The following ZP2 variants were observed in gnomAD, a reference collection of about 807,000 sequenced individuals.
ZP2 encodes zona pellucida glycoprotein 2.
A neutral mutation model predicts 84.0 loss-of-function variants in ZP2; 51 were observed. That is an observed-to-expected ratio of 0.61 (90% CI 0.49 to 0.77). ZP2 has a LOEUF of 0.77. ZP2 is among the 30% of genes least tolerant of loss of function. The probability of loss-of-function intolerance (pLI) is 0.00; values close to 1 mark genes in which losing one functional copy is unlikely to be tolerated. For missense variants in ZP2, 909 were observed against 911.9 expected, an observed-to-expected ratio of 1.00 and a Z score of 0.04; for synonymous variants, 375 against 330.9, an observed-to-expected ratio of 1.13 and a Z score of -1.45.
intron 2 of ZP2, among the ~76,000 whole-genome samples, chr16:21,210,876 CA>C (rs1406262482): frequency 7.4e-6 from 1 of 134,984 alleles, no homozygotes; most frequent in Admixed American, 7.4e-5. Context: ...CGCCTGGCTG[CA>C]TTTTTTTTTT....
At chr16:21,203,710 G>C (rs774821712) in intron 9 of ZP2, 1 of 424,162 alleles carries the variant, frequency 2.4e-6, no homozygotes, top group Non-Finnish European at 4.3e-6. Context: ...TGTCCTGTTC[G>C]TTGACCAGGA....
chr16:21,202,170 A>C lies in ZP2; in HGVS notation c.1221T>G (p.Phe407Leu), dbSNP rs2093229183. The part of the protein sequence containing the change: ...RVGNSSCQPV[F>L]EAQSQGLVRF... Reference sequence around the variant, plus strand: ...GTACCAGCCCCTGAGACTGAGCCTCAAAGACAGGCTGGCAGGATGAGTTTC... The same window carrying C: ...GTACCAGCCCCTGAGACTGAGCCTCCAAGACAGGCTGGCAGGATGAGTTTC... The change falls in exon 11 of 19, where the codon TTT (phenylalanine) becomes TTG (leucine). Residue 407 changes from phenylalanine to leucine, a missense_variant. Coordinates refer to ENST00000574091, the MANE Select transcript of ZP2 (RefSeq NM_001376232.1). The C allele has an allele frequency of 6.2e-7, 1 of 1,602,324 alleles. No homozygotes were observed. Among genetic ancestry groups the C allele is most frequent in the African/African-American group, 1.4e-5 (1 of 73,980 alleles).
chr16:21,204,010 T>G lies in ZP2; in HGVS notation c.972+20A>C, dbSNP rs752726291. 3.7e-6 allele frequency: 6 copies of G among 1,609,868 alleles called. No individual in the cohort carries two copies. The South Asian group carries it at 6.6e-5, about 18-fold the overall frequency. On this transcript the variant is annotated intron_variant, in intron 9 of 18. Transcript: ENST00000574091. ...CAAGTCAGGACCCGGTGGAGTTCAG[T>G]GGTTGACAATTGAACATACTTTCGT...
chr16:21,205,695 G>A (rs2093246552), intron 6 of ZP2, 36 bp downstream of exon 6: 1 of 1,613,752 alleles, frequency 6.2e-7, no homozygotes, highest in Non-Finnish European at 8.5e-7. Flanking sequence ...AGAATTAAAG[G>A]TTATTAAGGT....
At chr16:21,211,614 C>T (rs1412247748), upstream of ZP2, 44 of 1,611,856 alleles carry the variant, frequency 2.7e-5, no homozygotes, top group Non-Finnish European at 3.6e-5. Flanking sequence ...AGCAGGAAGC[C>T]AGCCGCATCC....
At chr16:21,211,192 T>TA in intron 2 of ZP2, 115 bp downstream of exon 2, 1 of 864,366 alleles carries the variant, frequency 1.2e-6, no homozygotes, top group South Asian at 1.5e-5. Context: ...ACCAAGGTAA[T>TA]AAAGGGGGTG....
chr16:21,203,985 C>T, intron 9 of ZP2, 45 bp downstream of exon 9: 2 of 1,603,150 alleles, frequency 1.2e-6, no homozygotes, highest in South Asian at 1.1e-5. Context: ...GAGTATACTT[C>T]AAGTCAGGAC....
chr16:21,205,201 C>T (rs948570745), intron 7 of ZP2, among the ~76,000 whole-genome samples: 1 of 152,108 alleles, frequency 6.6e-6, no homozygotes. Flanking sequence ...CAGGGTTGGC[C>T]GGGCTGGTCT....
chr16:21,209,855 A>G (rs918901494), intron 3 of ZP2, 130 bp from the exon 4 acceptor site: 1 of 820,224 alleles, frequency 1.2e-6, no homozygotes, highest in South Asian at 1.6e-5. Context: ...CAACTCAGTG[A>G]TAGAACTTGA....
At position 21,205,525 on chromosome 16, in the gene ZP2, A is replaced by G; in HGVS notation, c.588T>C (p.Thr196=). The G allele has an allele frequency of 1.9e-6, 3 of 1,614,006 alleles. No individual in the cohort carries two copies. Among genetic ancestry groups the G allele is most frequent in the Non-Finnish European group, 2.5e-6 (3 of 1,179,994 alleles). Residue 196 remains threonine, a synonymous_variant, in exon 7 of 19, where the codon ACT becomes ACC. Transcript: ENST00000574091. ...IEVGDGARAK[T]LTLPEAMKEG... is the part of the protein sequence containing the mutation. ...CCTTCATGGCCTCTGGCAGGGTCAGAGTTTTGGCTCTTGCACCATCACCAA... is the reference window on the plus strand; with the variant it reads ...CCTTCATGGCCTCTGGCAGGGTCAGGGTTTTGGCTCTTGCACCATCACCAA...
intron 4 of ZP2, among the ~76,000 whole-genome samples, chr16:21,208,040 T>C (rs1457611235): frequency 6.6e-6 from 1 of 151,978 alleles, no homozygotes; most frequent in East Asian, 1.9e-4. Flanking sequence ...GACAACATGG[T>C]GAAATCCCCA....
At chr16:21,207,578 G>A (rs2093255608) in intron 4 of ZP2, among the ~76,000 whole-genome samples, 1 of 151,750 alleles carries the variant, frequency 6.6e-6, no homozygotes. Flanking sequence ...TTGAGCTCAG[G>A]AGTTCAAGAC....
intron 2 of ZP2, 77 bp from the exon 3 acceptor site, chr16:21,210,269 C>A: frequency 8.7e-7 from 1 of 1,148,276 alleles, no homozygotes; most frequent in East Asian, 2.4e-5. Flanking sequence ...AGACTCCTCT[C>A]AGATGGGAGG....
At position 21,197,533 on chromosome 16, in the gene ZP2, T is replaced by C. The variant is rs1481646654; in HGVS notation, c.2185A>G (p.Thr729Ala). 1.2e-6 allele frequency: 2 copies of C among 1,614,036 alleles called. No individual in the cohort carries two copies. The highest frequency in any genetic ancestry group is 2.2e-5 in the East Asian group (1 of 44,886). ...TACAGGTAGTAGATGAAGCCTAGAG[T>C]TGCCACCACACCTGCAAAGGCAGCC... ...AVAAFAGVVA[T>A]LGFIYYLYEK... The change falls in exon 19 of 19, where the codon ACT (threonine) becomes GCT (alanine). Residue 729 changes from threonine (T) to alanine (A), a missense_variant. Transcript: ENST00000574091.
At chr16:21,205,607 A>G in intron 6 of ZP2, 23 bp from the exon 7 acceptor site, 1 of 1,613,794 alleles carries the variant, frequency 6.2e-7, no homozygotes, top group Non-Finnish European at 8.5e-7. Context: ...AGCTTTGTTT[A>G]GAGGGCTGGT....
chr16:21,197,455 T>C lies in ZP2; in HGVS notation c.*25A>G, dbSNP rs2093204272. 1 of 1,613,376 alleles carries C rather than the reference T, an allele frequency of 6.2e-7. No individual in the cohort carries two copies. ...GAATGTGGAAGGCAAGAGGCTTATT[T>C]TGACTGCTTTATTTAGAAGCCCATT... On this transcript the variant is annotated 3_prime_UTR_variant, in exon 19 of 19. Transcript: ENST00000574091.
intron 17 of ZP2, 21 bp from the exon 18 acceptor site, chr16:21,197,870 T>G: frequency 6.2e-7 from 1 of 1,611,714 alleles, no homozygotes; most frequent in Non-Finnish European, 8.5e-7. Context: ...CCTGAGAGTT[T>G]AGTACAACAT....
chr16:21,199,886 G>A lies in ZP2; in HGVS notation c.1695-8C>T, dbSNP rs771274857. 1.3e-5 allele frequency: 21 copies of A among 1,612,066 alleles called. No homozygotes were observed. The highest frequency in any genetic ancestry group is 2.2e-5 in the East Asian group (1 of 44,890). On this transcript the variant is annotated splice_polypyrimidine_tract_variant and splice_region_variant and intron_variant, in intron 14 of 18. Coordinates refer to ENST00000574091, the MANE Select transcript of ZP2 (RefSeq NM_001376232.1). ...TCCAGGTCATATGCACAGCTAGGAG[G>A]TATGCACCAGGGAGGGATGTCAGTC...
upstream of ZP2, chr16:21,214,356 A>G (rs540079690): frequency 6.7e-4 from 597 of 886,316 alleles, 2 homozygotes; most frequent in African/African-American, 9.8e-3. Flanking sequence ...GACTTTGAAC[A>G]CAGGAAGAAA....
Sources: allele counts gnomAD v4.1 joint callset (sites outside exome capture counted in the v4.1 genomes callset), GRCh38; gene constraint gnomAD v4.1.1; transcripts MANE v1.5; gene names NCBI Gene and HGNC (gene_info 2026-07-23, HGNC 2026-07-21).